The following GRIK2 variants were observed in gnomAD, a reference collection of about 807,000 sequenced individuals.
GRIK2 encodes the protein glutamate receptor ionotropic, kainate 2.
Under a neutral mutation model 100.3 loss-of-function variants are expected in GRIK2, and 32 were observed. The observed-to-expected ratio is 0.32, with a 90% CI of 0.24 to 0.43. The LOEUF (loss-of-function observed/expected upper bound fraction) is 0.43, where lower values mean the gene tolerates loss of function less well. Ranked by LOEUF, GRIK2 falls within the 20% of genes least tolerant of loss-of-function variation. GRIK2 has a pLI of 1.00. For synonymous variants in GRIK2, 417 were observed against 389.4 expected (o/e 1.07, Z -0.83); for missense variants, 843 against 1,114.9 (o/e 0.76, Z 3.47).
intron 7 of GRIK2, among the ~76,000 whole-genome samples, chr6:101,769,463 G>A (rs1377211777): frequency 1.3e-5 from 2 of 152,240 alleles, no homozygotes; most frequent in Non-Finnish European, 1.5e-5. Context: ...TGGAAATACA[G>A]AAGTCTACTC....
intron 12 of GRIK2, among the ~76,000 whole-genome samples, chr6:101,902,290 G>A (rs1204167483): frequency 1.3e-5 from 2 of 151,928 alleles, no homozygotes; most frequent in Non-Finnish European, 2.9e-5. Context: ...GGGAAAAACA[G>A]TAAGCTGTAA....
intron 2 of GRIK2, among the ~76,000 whole-genome samples, chr6:101,544,335 T>G (rs906587999): frequency 2.0e-5 from 3 of 152,118 alleles, no homozygotes; most frequent in Admixed American, 6.6e-5. Context: ...AAACATAAGT[T>G]TAAGGCATTC....
intron 14 of GRIK2, among the ~76,000 whole-genome samples, chr6:101,961,683 C>A (rs977742698): frequency 6.6e-6 from 1 of 152,016 alleles, no homozygotes; most frequent in Non-Finnish European, 1.5e-5. Flanking sequence ...GTGCACACTC[C>A]GGTTTTTGTT....
At chr6:101,732,980 ATATAATAAATCAAATG>A (rs1775378565) in intron 7 of GRIK2, among the ~76,000 whole-genome samples, 1 of 152,118 alleles carries the variant, frequency 6.6e-6, no homozygotes, top group African/African-American at 2.4e-5. Flanking sequence ...TCAGGATCAT[ATATAATAAATCAAATG>A]ACTTTCCAAA....
At chr6:101,557,965 A>G (rs1776824859) in intron 2 of GRIK2, among the ~76,000 whole-genome samples, 1 of 152,116 alleles carries the variant, frequency 6.6e-6, no homozygotes, top group Non-Finnish European at 1.5e-5. Context: ...GGTTTTCTTA[A>G]AGTTACTCTC....
rs142489212 is a variant in GRIK2, at chr6:101,910,839, C to CCACACACACACACACACA, written c.1749-13753_1749-13736dup. On this transcript the variant is annotated intron_variant, in intron 12 of 16. Transcript: ENST00000369134. ...CACAGTAAAATAATACCAACATACA[C>CCACACACACACACACACA]CACACACACACACACACACACACAC... is the stretch of plus-strand genomic sequence containing the variant. Among the ~76,000 whole-genome samples, 1,305 of 143,338 alleles carry CCACACACACACACACACA rather than the reference C, an allele frequency of 9.1e-3. 16 individuals carry two copies. Among genetic ancestry groups the CCACACACACACACACACA allele is most frequent in the African/African-American group, 0.024 (891 of 37,816 alleles). 94.0% of individuals were successfully genotyped at this position (143,338 alleles called of 152,430 possible).
intron 10 of GRIK2, among the ~76,000 whole-genome samples, chr6:101,839,663 A>G (rs1450870638): frequency 6.6e-6 from 1 of 152,188 alleles, no homozygotes; most frequent in East Asian, 1.9e-4. Flanking sequence ...AAAATATTGC[A>G]AGAATACAAG....
intron 2 of GRIK2, among the ~76,000 whole-genome samples, chr6:101,399,665 C>T (rs1179648731): frequency 6.6e-6 from 1 of 152,146 alleles, no homozygotes; most frequent in Non-Finnish European, 1.5e-5. Context: ...ATGATGATGA[C>T]GATGGAGGCA....
chr6:102,020,218 A>C lies in GRIK2; in HGVS notation c.2086-15123A>C, dbSNP rs9498803. Among the ~76,000 whole-genome samples the C allele has an allele frequency of 3.4e-3, 514 of 151,674 alleles. 2 individuals are homozygous for C. The highest frequency in any genetic ancestry group is 0.012 in the African/African-American group (496 of 41,232). On this transcript the variant is annotated intron_variant, in intron 14 of 16. Coordinates refer to ENST00000369134, the MANE Select transcript of GRIK2 (RefSeq NM_021956.5). ...GAATACCCTTGCTTATGACATAAGA[A>C]TTAGTTGCTTTATTTATAGTGTTAA...
intron 2 of GRIK2, among the ~76,000 whole-genome samples, chr6:101,581,167 C>T (rs367648881): frequency 3.9e-4 from 58 of 148,568 alleles, no homozygotes; most frequent in Non-Finnish European, 7.1e-4. Context: ...GATATATATA[C>T]ATATATATAT....
At chr6:101,874,714 T>G (rs1785689162) in intron 11 of GRIK2, among the ~76,000 whole-genome samples, 1 of 142,686 alleles carries the variant, frequency 7.0e-6, no homozygotes, top group South Asian at 2.3e-4. Flanking sequence ...CGATATTGAT[T>G]CTTCCTATCC....
intron 7 of GRIK2, among the ~76,000 whole-genome samples, chr6:101,741,370 T>C (rs1383571000): frequency 6.6e-6 from 1 of 152,184 alleles, no homozygotes; most frequent in African/African-American, 2.4e-5. Context: ...AGGAAGAAAC[T>C]TTTCCTCTAT....
At chr6:101,858,652 G>C (rs1171264406) in intron 10 of GRIK2, among the ~76,000 whole-genome samples, 1 of 151,922 alleles carries the variant, frequency 6.6e-6, no homozygotes, top group Non-Finnish European at 1.5e-5. Flanking sequence ...GCCTCCCAAA[G>C]TGCTGGGATT....
At chr6:101,936,590 T>C (rs973732203) in intron 14 of GRIK2, among the ~76,000 whole-genome samples, 3 of 152,076 alleles carry the variant, frequency 2.0e-5, no homozygotes, top group Non-Finnish European at 2.9e-5. Context: ...CACAATTTAT[T>C]GTACGTGAGG....
chr6:101,604,969 T>G (rs940487419), intron 2 of GRIK2, among the ~76,000 whole-genome samples: 1 of 151,968 alleles, frequency 6.6e-6, no homozygotes, highest in African/African-American at 2.4e-5. Context: ...GATTTACCCT[T>G]GCTAATGATT....
intron 2 of GRIK2, chr6:101,430,706 C>T (rs545900919): frequency 4.0e-5 from 7 of 174,256 alleles, no homozygotes; most frequent in East Asian, 1.7e-4. Context: ...AAAGGAAAAG[C>T]GCCTCTGGAC....
chr6:101,443,142 G>A (rs1178716473), intron 2 of GRIK2, among the ~76,000 whole-genome samples: 1 of 152,038 alleles, frequency 6.6e-6, no homozygotes, highest in Non-Finnish European at 1.5e-5. Context: ...AAGTACGAAA[G>A]GGGTCTTTAA....
intron 2 of GRIK2, among the ~76,000 whole-genome samples, chr6:101,519,250 T>C (rs960315457): frequency 1.1e-4 from 16 of 151,292 alleles, no homozygotes; most frequent in African/African-American, 3.4e-4. Context: ...AAAAGATTCA[T>C]GGAGAGGGTG....
In GRIK2 at chr6:101,848,727, A is replaced by G. The variant is rs112395378; in HGVS notation, c.1318-10560A>G. Among the ~76,000 whole-genome samples the G allele has an allele frequency of 1.9e-3, 295 of 152,214 alleles. 3 individuals are homozygous for G. The highest frequency in any genetic ancestry group is 6.6e-3 in the African/African-American group (275 of 41,560). ...AATTATCAATAAACATGCCAATCAA[A>G]CACATATATTACTACTGGGGATCAT... On this transcript the variant is annotated intron_variant, in intron 10 of 16. Coordinates refer to ENST00000369134, the MANE Select transcript of GRIK2 (RefSeq NM_021956.5).
Sources: allele counts gnomAD v4.1 joint callset (sites outside exome capture counted in the v4.1 genomes callset), GRCh38; gene constraint gnomAD v4.1.1; transcripts MANE v1.5; gene names NCBI Gene and HGNC (gene_info 2026-07-23, HGNC 2026-07-21).